KIAA2012: variants seen among roughly 807,000 people sequenced by gnomAD.
The protein encoded by KIAA2012 is KIAA2012, also known as uncharacterized protein KIAA2012.
A neutral mutation model predicts 150.6 loss-of-function variants in KIAA2012; 125 were observed. The ratio of observed to expected loss-of-function variants is 0.83; its 90% CI spans 0.72 to 0.96. The LOEUF is 0.96. Among genes scored for constraint, KIAA2012 ranks in the 40% least tolerant of loss-of-function variants. The pLI is 0.00. For missense variants in KIAA2012, 1,219 were observed against 1,354.9 expected (o/e 0.90, Z 1.57); for synonymous variants, 462 against 504.7 (o/e 0.92, Z 1.13).
intron 15 of KIAA2012, among the ~76,000 whole-genome samples, chr2:202,173,473 G>A (rs554975690): frequency 1.3e-5 from 2 of 152,272 alleles, no homozygotes; most frequent in East Asian, 3.9e-4. Context: ...GGAGGCTGAG[G>A]CAGGAGAATC....
At chr2:202,200,229 CCA>C (rs1692491280) in intron 22 of KIAA2012, among the ~76,000 whole-genome samples, 1 of 152,140 alleles carries the variant, frequency 6.6e-6, no homozygotes, top group South Asian at 2.1e-4. Context: ...CTGCACCCAG[CCA>C]CCTCTCATAT....
intron 19 of KIAA2012, among the ~76,000 whole-genome samples, chr2:202,191,167 C>T (rs1488411124): frequency 6.6e-6 from 1 of 152,052 alleles, no homozygotes; most frequent in Non-Finnish European, 1.5e-5. Flanking sequence ...ATCCCAGCTA[C>T]TTGGGAGGCT....
chr2:202,145,090 A>G (rs1691269148), intron 13 of KIAA2012, among the ~76,000 whole-genome samples: 1 of 152,086 alleles, frequency 6.6e-6, no homozygotes, highest in South Asian at 2.1e-4. Flanking sequence ...GCTGACAAGT[A>G]AGATTGGTCT....
intron 12 of KIAA2012, chr2:202,125,733 C>A (rs1690767444): frequency 1.0e-5 from 4 of 388,838 alleles, no homozygotes. Flanking sequence ...AGGTCTGCCT[C>A]TCCTCAGATT....
At chr2:202,143,870 A>T (rs72940512) in intron 13 of KIAA2012, among the ~76,000 whole-genome samples, 1 of 151,962 alleles carries the variant, frequency 6.6e-6, no homozygotes, top group African/African-American at 2.4e-5. Context: ...GGGGACAATG[A>T]ATTCATCTTT....
At chr2:202,075,387 G>A (rs527436645) in intron 2 of KIAA2012, among the ~76,000 whole-genome samples, 49 of 152,324 alleles carry the variant, frequency 3.2e-4, no homozygotes, top group Middle Eastern at 3.4e-3. Context: ...GTATGTGAAA[G>A]GGATCTGAAA....
chr2:202,197,265 T>C (rs1692432615), intron 22 of KIAA2012: 2 of 588,602 alleles, frequency 3.4e-6, no homozygotes, highest in Non-Finnish European at 2.9e-6. Flanking sequence ...CCCTAGTTTA[T>C]AGATGAAAAA....
At chr2:202,095,562 G>A (rs1054128007) in intron 4 of KIAA2012, among the ~76,000 whole-genome samples, 4 of 152,094 alleles carry the variant, frequency 2.6e-5, no homozygotes, top group Non-Finnish European at 5.9e-5. Context: ...TAAGTTTTGT[G>A]GTCTCCTTTC....
intron 4 of KIAA2012, among the ~76,000 whole-genome samples, chr2:202,094,482 T>C (rs1033553763): frequency 1.5e-4 from 23 of 152,186 alleles, no homozygotes; most frequent in East Asian, 5.8e-4. Context: ...TTTTTTTCTT[T>C]TTCTTTCTTT....
At chr2:202,086,539 C>T (rs1352926795) in intron 2 of KIAA2012, among the ~76,000 whole-genome samples, 1 of 152,280 alleles carries the variant, frequency 6.6e-6, no homozygotes, top group South Asian at 2.1e-4. Context: ...CTTTCTTTCA[C>T]GTCCTCTGGG....
chr2:202,157,451 C>T (rs1691553158), intron 14 of KIAA2012, among the ~76,000 whole-genome samples: 1 of 152,112 alleles, frequency 6.6e-6, no homozygotes, highest in Non-Finnish European at 1.5e-5. Context: ...AAGCATTGCA[C>T]GTTGCAGGGG....
chr2:202,196,106 A>C (rs1218910002), intron 21 of KIAA2012, among the ~76,000 whole-genome samples: 1 of 151,746 alleles, frequency 6.6e-6, no homozygotes, highest in Non-Finnish European at 1.5e-5. Flanking sequence ...TCAGCAGACA[A>C]AACTGTGGCT....
At chr2:202,073,766 A>G (rs1409704641) in intron 1 of KIAA2012, 55 bp downstream of exon 1, 5 of 1,466,380 alleles carry the variant, frequency 3.4e-6, no homozygotes, top group African/African-American at 2.8e-5. Context: ...GGAATGCTCT[A>G]TGTTTCCACT....
At chr2:202,085,261 CCCT>C (rs1689535586) in intron 2 of KIAA2012, among the ~76,000 whole-genome samples, 1 of 152,156 alleles carries the variant, frequency 6.6e-6, no homozygotes, top group Admixed American at 6.5e-5. Context: ...ATGTCCTAAT[CCCT>C]GGGACCTGAG....
At chr2:202,137,666 C>G (rs1002574836) in intron 12 of KIAA2012, 2 of 152,174 alleles carry the variant, frequency 1.3e-5, no homozygotes, top group Admixed American at 6.5e-5. Flanking sequence ...AAAACCTATC[C>G]TTTTGCGCCA....
chr2:202,082,999 A>G, intron 2 of KIAA2012, among the ~76,000 whole-genome samples: 1 of 152,138 alleles, frequency 6.6e-6, no homozygotes, highest in East Asian at 1.9e-4. Flanking sequence ...AGGCAGATTG[A>G]GCTCTCGTAG....
In KIAA2012 at chr2:202,194,194, A is replaced by C; in HGVS notation, c.3019A>C (p.Arg1007=). The C allele has an allele frequency of 6.4e-7, 1 of 1,550,422 alleles. No homozygotes were observed. The highest frequency in any genetic ancestry group is 8.7e-7 in the Non-Finnish European group (1 of 1,146,886). ...QQRRTEEIRL[R]KQRLQEEQQR... is the part of the protein sequence containing the mutation. ...GACCATCTTGGGTTTTCTCAGCTTG[A>C]GGAAACAGAGACTCCAAGAAGAACA... Residue 1007 remains arginine, a synonymous_variant, in exon 21 of 24, where the codon AGG becomes CGG. Coordinates refer to ENST00000498697, the MANE Select transcript of KIAA2012 (RefSeq NM_001277372.4).
At chr2:202,113,554 C>T (rs563358269) in intron 11 of KIAA2012, 108 bp downstream of exon 11, 27 of 693,182 alleles carry the variant, frequency 3.9e-5, no homozygotes, top group African/African-American at 7.2e-5. Flanking sequence ...TAAAAACAGA[C>T]GCAAGTCAGC....
Position 202,194,215 on chromosome 2 carries a change from G to A in KIAA2012, c.3040G>A (p.Glu1014Lys). 6.4e-7 allele frequency: 1 copy of A among 1,550,688 alleles called. No individual in the cohort carries two copies. Among genetic ancestry groups the A allele is most frequent in the East Asian group, 2.4e-5 (1 of 40,920 alleles). The change falls in exon 21 of 24, where the codon GAA becomes AAA. Residue 1014 changes from glutamate to lysine, a missense_variant. Coordinates refer to ENST00000498697, the MANE Select transcript of KIAA2012 (RefSeq NM_001277372.4). Reference sequence around the variant, plus strand: ...CTTGAGGAAACAGAGACTCCAAGAAGAACAGCAGCGGCAGGAGGAGGAGGA... The same window carrying A: ...CTTGAGGAAACAGAGACTCCAAGAAAAACAGCAGCGGCAGGAGGAGGAGGA... ...IRLRKQRLQE[E>K]QQRQEEEERK...
Sources: gnomAD v4.1 joint callset for allele counts (sites outside exome capture counted in the v4.1 genomes callset) on GRCh38, gnomAD v4.1.1 for gene constraint, MANE v1.5 for transcripts, NCBI Gene and HGNC (gene_info 2026-07-23, HGNC 2026-07-21) for gene names.